SYN3: variants seen among roughly 807,000 people sequenced by gnomAD.
SYN3 encodes the protein synapsin III.
In SYN3, 35 loss-of-function variants were observed where a neutral mutation model predicts 65.8. The observed-to-expected ratio is 0.53, with a 90% confidence interval of 0.41 to 0.70. The LOEUF is 0.70. Ranked by LOEUF, SYN3 falls within the 30% of genes least tolerant of loss-of-function variation. SYN3 has a pLI of 0.00. For missense variants in SYN3, 680 were observed against 749.0 expected, an observed-to-expected ratio of 0.91 and a Z score of 1.08; for synonymous variants, 270 against 292.9, an observed-to-expected ratio of 0.92 and a Z score of 0.80.
intron 5 of SYN3, among the ~76,000 whole-genome samples, chr22:32,867,917 C>T (rs2048730943): frequency 1.3e-5 from 2 of 152,176 alleles, no homozygotes; most frequent in East Asian, 3.8e-4. Flanking sequence ...TTACAGGTAA[C>T]ATTTGGATGG....
intron 6 of SYN3, among the ~76,000 whole-genome samples, chr22:32,772,578 C>T (rs1409279733): frequency 6.6e-6 from 1 of 152,094 alleles, no homozygotes; most frequent in East Asian, 1.9e-4. Context: ...GGAAAAAGAG[C>T]CTTTACAGAT....
intron 6 of SYN3, among the ~76,000 whole-genome samples, chr22:32,849,909 T>C (rs1282691326): frequency 6.6e-6 from 1 of 152,042 alleles, no homozygotes; most frequent in East Asian, 1.9e-4. Context: ...AGATCATCTC[T>C]ATGAACTCTT....
At chr22:32,645,121 C>T (rs1421625806) in intron 6 of SYN3, among the ~76,000 whole-genome samples, 2 of 152,162 alleles carry the variant, frequency 1.3e-5, no homozygotes, top group African/African-American at 4.8e-5. Context: ...ACATTCCTTC[C>T]TTCAAAACAC....
At chr22:32,700,432 A>G (rs1401377593) in intron 6 of SYN3, among the ~76,000 whole-genome samples, 3 of 152,190 alleles carry the variant, frequency 2.0e-5, no homozygotes, top group Non-Finnish European at 2.9e-5. Context: ...ATGACCCTCC[A>G]CAAATGACTA....
intron 1 of SYN3, among the ~76,000 whole-genome samples, chr22:33,042,465 G>A (rs532778362): frequency 6.6e-6 from 1 of 152,214 alleles, no homozygotes; most frequent in South Asian, 2.1e-4. Context: ...CCAAACGGAC[G>A]TGGTAAATCA....
At chr22:32,522,798 T>G (rs1235445097) in intron 12 of SYN3, among the ~76,000 whole-genome samples, 1 of 152,200 alleles carries the variant, frequency 6.6e-6, no homozygotes, top group African/African-American at 2.4e-5. Flanking sequence ...GAAGCTGTTA[T>G]TTCCTCCTTT....
At chr22:32,516,778 T>C (rs906472396) in intron 13 of SYN3, among the ~76,000 whole-genome samples, 3 of 142,574 alleles carry the variant, frequency 2.1e-5, no homozygotes, top group African/African-American at 7.8e-5. Context: ...CTTCTAGTTA[T>C]TAACTGGAAA....
intron 1 of SYN3, among the ~76,000 whole-genome samples, chr22:33,024,166 A>G (rs954854403): frequency 6.6e-6 from 1 of 152,188 alleles, no homozygotes; most frequent in Non-Finnish European, 1.5e-5. Flanking sequence ...TGTATCAATC[A>G]TTCAGAATGG....
At chr22:32,945,615 C>T (rs1220379264) in intron 3 of SYN3, among the ~76,000 whole-genome samples, 1 of 152,164 alleles carries the variant, frequency 6.6e-6, no homozygotes, top group African/African-American at 2.4e-5. Flanking sequence ...CAATACCATT[C>T]AGGACATAGG....
At chr22:32,797,453 C>T (rs975107969) in intron 6 of SYN3, among the ~76,000 whole-genome samples, 16 of 152,080 alleles carry the variant, frequency 1.1e-4, no homozygotes, top group African/African-American at 3.6e-4. Flanking sequence ...GGAGGTTTCC[C>T]GGAGGAGGTG....
intron 4 of SYN3, among the ~76,000 whole-genome samples, chr22:32,921,119 G>A (rs2050324406): frequency 6.6e-6 from 1 of 152,036 alleles, no homozygotes; most frequent in South Asian, 2.1e-4. Context: ...CTTCCTTAAA[G>A]TCTCTTTATT....
chr22:32,623,862 G>C (rs1443588461), intron 6 of SYN3, among the ~76,000 whole-genome samples: 1 of 152,166 alleles, frequency 6.6e-6, no homozygotes, highest in South Asian at 2.1e-4. Flanking sequence ...GAGTGCCGAG[G>C]TGTCCCCTCC....
At chr22:32,558,759 G>A (rs1882729860) in intron 7 of SYN3, among the ~76,000 whole-genome samples, 1 of 152,218 alleles carries the variant, frequency 6.6e-6, no homozygotes, top group Admixed American at 6.5e-5. Context: ...TGGAATCATG[G>A]CCCTGATGAC....
chr22:32,582,354 C>T (rs926525094), intron 7 of SYN3, among the ~76,000 whole-genome samples: 1 of 138,512 alleles, frequency 7.2e-6, no homozygotes, highest in Non-Finnish European at 1.6e-5. Context: ...TGCATTCTCC[C>T]TTTTTTTTTT....
At chr22:32,615,029 C>G (rs536504966) in intron 6 of SYN3, among the ~76,000 whole-genome samples, 3 of 152,072 alleles carry the variant, frequency 2.0e-5, no homozygotes, top group African/African-American at 4.8e-5. Context: ...AAATTACCCC[C>G]ACCGTGGTTG....
intron 4 of SYN3, among the ~76,000 whole-genome samples, chr22:32,870,730 C>T (rs1391787319): frequency 6.6e-6 from 1 of 152,162 alleles, no homozygotes; most frequent in Non-Finnish European, 1.5e-5. Flanking sequence ...CCCCAAAAGA[C>T]ACCCTGTATC....
chr22:32,808,279 A>G (rs2046819380), intron 6 of SYN3, among the ~76,000 whole-genome samples: 1 of 152,188 alleles, frequency 6.6e-6, no homozygotes, highest in Non-Finnish European at 1.5e-5. Flanking sequence ...TTTCTGACTC[A>G]AAGCTGTCCG....
intron 4 of SYN3, among the ~76,000 whole-genome samples, chr22:32,888,062 T>C (rs1254510643): frequency 6.6e-6 from 1 of 152,200 alleles, no homozygotes; most frequent in African/African-American, 2.4e-5. Context: ...TATTTTTATT[T>C]CCCTGATGAT....
chr22:32,617,450 C>G (rs144095085), intron 6 of SYN3, among the ~76,000 whole-genome samples: 5 of 151,576 alleles, frequency 3.3e-5, no homozygotes, highest in African/African-American at 1.2e-4. Context: ...TACATTTGAA[C>G]ATTTCCATGA....
Sources: allele counts gnomAD v4.1 joint callset (sites outside exome capture counted in the v4.1 genomes callset), GRCh38; gene constraint gnomAD v4.1.1; transcripts MANE v1.5; gene names NCBI Gene and HGNC (gene_info 2026-07-23, HGNC 2026-07-21).